Variants in SPATA3 observed in about 807,000 individuals in gnomAD.
SPATA3 encodes the protein spermatogenesis associated 3, also known as spermatogenesis-associated protein 3.
In SPATA3, 6 loss-of-function variants were observed where a neutral mutation model predicts 5.7. The ratio of observed to expected loss-of-function variants is 1.06; its 90% CI spans 0.58 to 2.09. SPATA3 has a LOEUF of 2.09. Among genes scored for constraint, SPATA3 ranks in the 30% most tolerant of loss-of-function variants. SPATA3 has a pLI of 0.00. For synonymous variants in SPATA3, 44 were observed against 48.4 expected, an observed-to-expected ratio of 0.91 and a Z score of 0.37; for missense variants, 155 against 130.4, an observed-to-expected ratio of 1.19 and a Z score of -0.92.
intron 1 of SPATA3, among the ~76,000 whole-genome samples, chr2:230,998,936 C>G (rs1338828964): frequency 6.6e-6 from 1 of 152,204 alleles, no homozygotes; most frequent in Non-Finnish European, 1.5e-5. Context: ...AACTTGTACA[C>G]AAATGCTCAA....
At chr2:231,002,775 C>A in exon 3 of SPATA3, 1 of 1,516,654 alleles carries the variant, frequency 6.6e-7, no homozygotes, top group Non-Finnish European at 8.9e-7. Context: ...TAGGAGCTGC[C>A]TACTACATCA....
intron 6 of SPATA3, chr2:231,019,597 T>G (rs1693028971): frequency 6.6e-6 from 1 of 151,344 alleles, no homozygotes; most frequent in African/African-American, 2.4e-5. Flanking sequence ...GTGCTGGGAT[T>G]ACAGGCGTGA....
downstream of SPATA3, among the ~76,000 whole-genome samples, chr2:231,006,398 G>A (rs1256103536): frequency 6.6e-6 from 1 of 151,842 alleles, no homozygotes; most frequent in East Asian, 1.9e-4. Flanking sequence ...AGCTACTCGG[G>A]AGGCTGAGGC....
At chr2:231,000,537 G>C (rs571151540) in exon 2 of SPATA3, 34 of 1,518,372 alleles carry the variant, frequency 2.2e-5, no homozygotes, top group Non-Finnish European at 3.0e-5. Flanking sequence ...ACCTTCTACA[G>C]GTTCCAAGCG....
At chr2:231,007,867 G>A (rs1280453120), downstream of SPATA3, among the ~76,000 whole-genome samples, 1 of 152,186 alleles carries the variant, frequency 6.6e-6, no homozygotes, top group African/African-American at 2.4e-5. Flanking sequence ...GAAGGAGGCT[G>A]GGCCTGGTGG....
chr2:230,996,677 T>A, intron 1 of SPATA3, 143 bp downstream of exon 1: 1 of 1,160,000 alleles, frequency 8.6e-7, no homozygotes, highest in Non-Finnish European at 1.2e-6. Flanking sequence ...GGTTTTTGTT[T>A]TTGTTTCTAC....
In SPATA3 at chr2:230,999,205, G is replaced by A. The variant is rs146643593; in HGVS notation, c.791-1161G>A. Among the ~76,000 whole-genome samples the A allele has an allele frequency of 4.6e-5, 7 of 152,292 alleles. No homozygotes were observed. The East Asian group carries it at 1.4e-3, about 29-fold the overall frequency. ...TATTTACATGAAATGTTCAGAATAG[G>A]CAAATGTATTGCCAGGGACTGGGGG... On this transcript the variant is annotated intron_variant, in intron 1 of 2. Transcript: ENST00000645363.
chr2:231,016,292 C>T (rs1369012355), intron 6 of SPATA3, among the ~76,000 whole-genome samples: 1 of 151,990 alleles, frequency 6.6e-6, no homozygotes, highest in African/African-American at 2.4e-5. Context: ...GGGTTCAGCT[C>T]TCCTCAGAGG....
intron 1 of SPATA3, among the ~76,000 whole-genome samples, chr2:230,998,892 A>G (rs1692238651): frequency 6.6e-6 from 1 of 152,226 alleles, no homozygotes; most frequent in Non-Finnish European, 1.5e-5. Context: ...AGAGAATTCG[A>G]AGCATCTTAT....
intron 2 of SPATA3, 131 bp downstream of exon 2, chr2:231,000,668 C>T: frequency 9.4e-7 from 1 of 1,068,464 alleles, no homozygotes; most frequent in Non-Finnish European, 1.2e-6. Context: ...CTTTCTTTCC[C>T]TCTTTGCTTT....
At chr2:231,002,064 G>C (rs533213310) in intron 2 of SPATA3, among the ~76,000 whole-genome samples, 1 of 152,282 alleles carries the variant, frequency 6.6e-6, no homozygotes, top group Non-Finnish European at 1.5e-5. Flanking sequence ...GTCCATATCT[G>C]GCCAGGGCAA....
At chr2:231,003,012 C>G (rs1326074600), downstream of SPATA3, among the ~76,000 whole-genome samples, 1 of 152,132 alleles carries the variant, frequency 6.6e-6, no homozygotes, top group Non-Finnish European at 1.5e-5. Context: ...ATCATCTAAA[C>G]AGAGCCCCCA....
At chr2:231,000,648 G>T in intron 2 of SPATA3, 111 bp downstream of exon 2, 2 of 1,143,584 alleles carry the variant, frequency 1.7e-6, no homozygotes, top group Non-Finnish European at 2.3e-6. Context: ...ATCCCAGGCC[G>T]AAGGAAAGCC....
At chr2:231,011,891 G>GCCT (rs1692798188), downstream of SPATA3, among the ~76,000 whole-genome samples, 1 of 152,144 alleles carries the variant, frequency 6.6e-6, no homozygotes, top group Non-Finnish European at 1.5e-5. Context: ...GCATCCCCAG[G>GCCT]CAGCTCCCCC....
At chr2:231,001,109 C>G (rs1033642364) in intron 2 of SPATA3, among the ~76,000 whole-genome samples, 5 of 152,210 alleles carry the variant, frequency 3.3e-5, no homozygotes, top group Admixed American at 6.5e-5. Flanking sequence ...TGCCCCCAGG[C>G]TGGTCTGTTG....
intron 2 of SPATA3, among the ~76,000 whole-genome samples, chr2:231,001,521 G>A (rs1692352559): frequency 6.6e-6 from 1 of 152,130 alleles, no homozygotes; most frequent in Non-Finnish European, 1.5e-5. Context: ...ACCGGGGCGT[G>A]TGGGGAGAAC....
chr2:231,015,257 CTTTTTTTT>C (rs35102459), intron 6 of SPATA3, among the ~76,000 whole-genome samples: 4,981 of 94,232 alleles, frequency 0.053, 132 homozygotes, highest in East Asian at 0.18. Context: ...ATCGTTTTGG[CTTTTTTTT>C]TTTTTTTTTT....
intron 6 of SPATA3, chr2:231,014,247 A>G (rs1250439209): frequency 1.3e-5 from 2 of 152,180 alleles, no homozygotes; most frequent in Non-Finnish European, 2.9e-5. Context: ...GCTGAAATCA[A>G]TAGTTACATA....
At chr2:231,015,942 A>G (rs1263752108) in intron 6 of SPATA3, among the ~76,000 whole-genome samples, 1 of 152,168 alleles carries the variant, frequency 6.6e-6, no homozygotes, top group African/African-American at 2.4e-5. Context: ...TAAAAATAAC[A>G]TTTGCATTTC....
Sources: allele counts gnomAD v4.1 joint callset (sites outside exome capture counted in the v4.1 genomes callset), GRCh38; gene constraint gnomAD v4.1.1; transcripts MANE v1.5; gene names NCBI Gene and HGNC (gene_info 2026-07-23, HGNC 2026-07-21).